Variants in TAFA2 observed in about 807,000 individuals in gnomAD.
TAFA2 encodes the protein TAFA chemokine like family member 2.
Under a neutral mutation model 18.8 loss-of-function variants are expected in TAFA2, and 7 were observed. The ratio of observed to expected loss-of-function variants is 0.37; its 90% CI spans 0.21 to 0.70. The LOEUF (loss-of-function observed/expected upper bound fraction) is 0.70, where lower values mean the gene tolerates loss of function less well. Among genes scored for constraint, TAFA2 ranks in the 30% least tolerant of loss-of-function variants. The probability of loss-of-function intolerance (pLI) is 0.53; values close to 1 mark genes in which losing one functional copy is unlikely to be tolerated. For missense variants in TAFA2, 122 were observed against 158.1 expected (o/e 0.77, Z 1.23); for synonymous variants, 60 against 54.2 (o/e 1.11, Z -0.47).
intron 2 of TAFA2, among the ~76,000 whole-genome samples, chr12:61,787,173 G>GA (rs143510641): frequency 0.03 from 4,385 of 147,046 alleles, 220 homozygotes; most frequent in African/African-American, 0.1. Context: ...AATACTGAAA[G>GA]AAAAAAAAAA....
chr12:61,955,336 G>T (rs1246767225), intron 1 of TAFA2, among the ~76,000 whole-genome samples: 2 of 151,678 alleles, frequency 1.3e-5, no homozygotes, highest in African/African-American at 4.8e-5. Context: ...GAGCATGGTG[G>T]CTCACGCCTG....
In TAFA2 at chr12:61,823,327, C is replaced by T. The variant is rs886262174; in HGVS notation, c.106+43993G>A. On this transcript the variant is annotated intron_variant, in intron 2 of 4. Transcript: ENST00000416284. ...TGCTGGAATTACAGCCACGAGCCAC[C>T]GCACCCAGCCCTAACGTTTACTCTG... Among the ~76,000 whole-genome samples the T allele has an allele frequency of 5.3e-5, 8 of 152,050 alleles. No homozygotes were observed. In the South Asian group the frequency reaches 6.2e-4, roughly 12 times the overall value.
At position 61,935,997 on chromosome 12, in the gene TAFA2, C is replaced by G. The variant is rs189377820; in HGVS notation, c.-1-68571G>C. Among the ~76,000 whole-genome samples the G allele has an allele frequency of 2.4e-3, 364 of 152,196 alleles. 4 individuals carry two copies. Among genetic ancestry groups the G allele is most frequent in the African/African-American group, 8.4e-3 (348 of 41,534 alleles). On this transcript the variant is annotated intron_variant, in intron 1 of 4. Transcript: ENST00000416284. ...AATAAAGAGAGAATCCTCCCTAAAT[C>G]ATTCTATGAAGCCAGCATCACCCTG...
intron 2 of TAFA2, among the ~76,000 whole-genome samples, chr12:61,788,581 A>C (rs538523034): frequency 6.6e-6 from 1 of 151,920 alleles, no homozygotes; most frequent in African/African-American, 2.4e-5. Context: ...TATAGAGCCT[A>C]GAAAACCCAT....
intron 1 of TAFA2, among the ~76,000 whole-genome samples, chr12:62,080,968 G>C (rs1354937651): frequency 6.6e-6 from 1 of 152,172 alleles, no homozygotes. Context: ...GCCAAGGCGG[G>C]CGGATCACGA....
chr12:61,832,781 T>A (rs1174573019), intron 2 of TAFA2, among the ~76,000 whole-genome samples: 1 of 151,912 alleles, frequency 6.6e-6, no homozygotes, highest in Admixed American at 6.6e-5. Context: ...TAATCTTTTT[T>A]AAGTAAAAAT....
intron 1 of TAFA2, among the ~76,000 whole-genome samples, chr12:61,982,049 A>G (rs1879653014): frequency 6.6e-6 from 1 of 152,242 alleles, no homozygotes; most frequent in Non-Finnish European, 1.5e-5. Flanking sequence ...CCAAATGTCC[A>G]TCAATGATAG....
At chr12:62,184,262 G>A (rs1483045528) in intron 1 of TAFA2, among the ~76,000 whole-genome samples, 1 of 152,070 alleles carries the variant, frequency 6.6e-6, no homozygotes, top group African/African-American at 2.4e-5. Context: ...CAGTCTAAAA[G>A]GGGTTTACAA....
At chr12:61,811,909 T>C (rs1278195496) in intron 2 of TAFA2, among the ~76,000 whole-genome samples, 1 of 151,520 alleles carries the variant, frequency 6.6e-6, no homozygotes, top group Non-Finnish European at 1.5e-5. Context: ...CAGAAGTCAT[T>C]AGCAGAGTTA....
At chr12:62,089,937 G>A (rs538786921) in intron 1 of TAFA2, among the ~76,000 whole-genome samples, 12 of 152,066 alleles carry the variant, frequency 7.9e-5, no homozygotes, top group South Asian at 2.1e-4. Context: ...CCATCAAATC[G>A]CATTCATTAT....
rs535715504 is a variant in TAFA2, at chr12:61,747,306, G to A, written c.384+6316C>T. Among the ~76,000 whole-genome samples the A allele has an allele frequency of 2.2e-3, 318 of 144,430 alleles. 1 individual carries two copies. Among genetic ancestry groups the A allele is most frequent in the African/African-American group, 7.8e-3 (297 of 37,940 alleles). 94.8% of individuals were successfully genotyped at this position (144,430 alleles called of 152,430 possible). A position where few individuals can be genotyped will look rare whatever the true frequency, so the allele number is the denominator to read the frequency against. On this transcript the variant is annotated intron_variant, in intron 4 of 4. Transcript: ENST00000416284. ...TTCAACCATTGTGGAAGTCAGTGTG[G>A]CGATTCCTCAGGGATCTATAACTGG...
At chr12:62,214,659 T>A (rs1486124148) in intron 1 of TAFA2, among the ~76,000 whole-genome samples, 1 of 152,210 alleles carries the variant, frequency 6.6e-6, no homozygotes, top group African/African-American at 2.4e-5. Context: ...CGAATATGAC[T>A]GGTGCCCTTG....
In TAFA2 at chr12:62,048,176, T is replaced by A. The variant is rs562121948; in HGVS notation, c.-2+143083A>T. 3.3e-5 allele frequency among the ~76,000 whole-genome samples: 5 copies of A among 152,286 alleles called. No homozygotes were observed. In the East Asian group the frequency reaches 7.7e-4, roughly 24 times the overall value. ...AAAGAACTGCCCGAGACTGAGTGATTTATAAAGGAAAGAGGTTTAATTGAC... is the reference window on the plus strand; with the variant it reads ...AAAGAACTGCCCGAGACTGAGTGATATATAAAGGAAAGAGGTTTAATTGAC... On this transcript the variant is annotated intron_variant, in intron 1 of 4. Transcript: ENST00000416284.
At chr12:62,154,664 C>T (rs758922206) in intron 1 of TAFA2, among the ~76,000 whole-genome samples, 7 of 117,726 alleles carry the variant, frequency 5.9e-5, no homozygotes, top group Non-Finnish European at 1.1e-4. Flanking sequence ...ACCATTTTCA[C>T]GTGCATCCGG....
At chr12:62,015,583 C>T (rs939675962) in intron 1 of TAFA2, among the ~76,000 whole-genome samples, 3 of 152,148 alleles carry the variant, frequency 2.0e-5, no homozygotes, top group African/African-American at 7.2e-5. Flanking sequence ...GTACCAGACA[C>T]TGATGATATA....
chr12:61,921,273 C>T (rs183976055), intron 1 of TAFA2, among the ~76,000 whole-genome samples: 189 of 152,154 alleles, frequency 1.2e-3, no homozygotes, highest in African/African-American at 3.7e-3. Flanking sequence ...ACTTAGGAGA[C>T]GATGAACTAA....
chr12:61,760,967 A>G (rs182441457), intron 2 of TAFA2, among the ~76,000 whole-genome samples: 3 of 152,086 alleles, frequency 2.0e-5, no homozygotes, highest in Admixed American at 2.0e-4. Flanking sequence ...GACAGCATAG[A>G]CATATAGATT....
intron 1 of TAFA2, among the ~76,000 whole-genome samples, chr12:62,032,986 T>A (rs879913603): frequency 1.3e-5 from 2 of 152,114 alleles, no homozygotes; most frequent in Non-Finnish European, 2.9e-5. Context: ...AAATTTTTGA[T>A]CCAAACCGCA....
intron 1 of TAFA2, among the ~76,000 whole-genome samples, chr12:62,093,046 A>T (rs1868788876): frequency 6.6e-6 from 1 of 152,154 alleles, no homozygotes; most frequent in Non-Finnish European, 1.5e-5. Context: ...TTTATAATCA[A>T]TACATCAGTC....
Sources: gnomAD v4.1 joint callset for allele counts (sites outside exome capture counted in the v4.1 genomes callset) on GRCh38, gnomAD v4.1.1 for gene constraint, MANE v1.5 for transcripts, NCBI Gene and HGNC (gene_info 2026-07-23, HGNC 2026-07-21) for gene names.